Variants in SLCO6A1 observed in about 807,000 individuals in gnomAD.
SLCO6A1 encodes solute carrier organic anion transporter family member 6A1, also known as cancer/testis antigen 48.
A neutral mutation model predicts 72.7 loss-of-function variants in SLCO6A1; 65 were observed. The observed-to-expected ratio is 0.89, with a 90% CI of 0.73 to 1.10. The LOEUF (loss-of-function observed/expected upper bound fraction) is 1.10, where lower values mean the gene tolerates loss of function less well. Among genes scored for constraint, SLCO6A1 ranks in the 50% least tolerant of loss-of-function variants. The pLI is 0.00. For synonymous variants in SLCO6A1, 314 were observed against 298.2 expected (o/e 1.05, Z -0.55); for missense variants, 874 against 872.6 (o/e 1.00, Z -0.02).
intron 6 of SLCO6A1, among the ~76,000 whole-genome samples, chr5:102,442,839 G>A (rs568194233): frequency 7.9e-5 from 12 of 152,248 alleles, no homozygotes; most frequent in African/African-American, 2.6e-4. Flanking sequence ...CGAGGTGGGC[G>A]GCTCATGAGG....
intron 7 of SLCO6A1, among the ~76,000 whole-genome samples, chr5:102,436,723 C>T (rs1365503128): frequency 6.6e-6 from 1 of 152,134 alleles, no homozygotes; most frequent in African/African-American, 2.4e-5. Context: ...TCAGAAACAC[C>T]TGCTGTTGTA....
intron 12 of SLCO6A1, among the ~76,000 whole-genome samples, chr5:102,383,543 C>T (rs1018381111): frequency 6.6e-6 from 1 of 151,602 alleles, no homozygotes; most frequent in Non-Finnish European, 1.5e-5. Context: ...AGGGATAAAT[C>T]CCTCTTGATC....
chr5:102,376,301 C>A (rs554024724), intron 12 of SLCO6A1, among the ~76,000 whole-genome samples: 49 of 152,150 alleles, frequency 3.2e-4, no homozygotes, highest in African/African-American at 1.2e-3. Context: ...GGTGCCTATA[C>A]TAGAGAGAAT....
intron 7 of SLCO6A1, among the ~76,000 whole-genome samples, chr5:102,433,756 A>C (rs1346952987): frequency 1.3e-5 from 2 of 152,130 alleles, no homozygotes; most frequent in Non-Finnish European, 2.9e-5. Flanking sequence ...CAACAGCAGC[A>C]GCGGCAGCAT....
At chr5:102,467,893 G>C (rs1367146188) in intron 4 of SLCO6A1, among the ~76,000 whole-genome samples, 1 of 151,840 alleles carries the variant, frequency 6.6e-6, no homozygotes, top group Non-Finnish European at 1.5e-5. Context: ...GTTCATTCTT[G>C]TTTCTCCAGT....
intron 12 of SLCO6A1, among the ~76,000 whole-genome samples, chr5:102,378,129 C>T (rs1036479115): frequency 6.6e-6 from 1 of 151,556 alleles, no homozygotes; most frequent in African/African-American, 2.4e-5. Context: ...TGCCCTGGCT[C>T]ATAGTGATTT....
chr5:102,411,221 A>G (rs1747959625), intron 9 of SLCO6A1, among the ~76,000 whole-genome samples: 1 of 151,818 alleles, frequency 6.6e-6, no homozygotes, highest in African/African-American at 2.4e-5. Flanking sequence ...TGTAATATAT[A>G]TATATGTGTG....
rs189913425 is a variant in SLCO6A1, at chr5:102,473,255, T to A, written c.899+2442A>T. Among the ~76,000 whole-genome samples the A allele has an allele frequency of 2.1e-3, 317 of 152,098 alleles. 3 individuals carry two copies. The highest frequency in any genetic ancestry group is 7.2e-3 in the African/African-American group (301 of 41,534). ...CACAAGCAAATTGAATGTAACAACA[T>A]ATTAAAGGGAATATACATCATAATC... On this transcript the variant is annotated intron_variant, in intron 4 of 13. Transcript: ENST00000506729.
intron 4 of SLCO6A1, among the ~76,000 whole-genome samples, chr5:102,470,196 C>T (rs1333060026): frequency 6.6e-6 from 1 of 152,138 alleles, no homozygotes; most frequent in Non-Finnish European, 1.5e-5. Context: ...AGAGGATTCC[C>T]TCTTTTTCTA....
At chr5:102,442,758 C>T (rs1749907049) in intron 6 of SLCO6A1, among the ~76,000 whole-genome samples, 1 of 152,144 alleles carries the variant, frequency 6.6e-6, no homozygotes, top group Non-Finnish European at 1.5e-5. Flanking sequence ...AACAATTCAG[C>T]ATTCATAAAG....
At chr5:102,462,714 T>C (rs1751102343) in intron 4 of SLCO6A1, among the ~76,000 whole-genome samples, 1 of 152,144 alleles carries the variant, frequency 6.6e-6, no homozygotes, top group African/African-American at 2.4e-5. Context: ...ATCCTCATTG[T>C]CCATTTATAC....
intron 1 of SLCO6A1, among the ~76,000 whole-genome samples, chr5:102,490,899 G>T (rs904400818): frequency 6.6e-6 from 1 of 152,124 alleles, no homozygotes; most frequent in Non-Finnish European, 1.5e-5. Context: ...AGCTTCCACA[G>T]TGTGGAAGCG....
At chr5:102,445,646 G>C (rs970795415) in intron 6 of SLCO6A1, among the ~76,000 whole-genome samples, 5 of 152,014 alleles carry the variant, frequency 3.3e-5, no homozygotes, top group African/African-American at 1.2e-4. Flanking sequence ...GTCTTTGCCT[G>C]GGCCAACATC....
intron 1 of SLCO6A1, among the ~76,000 whole-genome samples, chr5:102,485,605 T>C (rs1019008056): frequency 1.3e-5 from 2 of 152,250 alleles, no homozygotes; most frequent in African/African-American, 4.8e-5. Flanking sequence ...AGTAACACTT[T>C]GGATGTGTTA....
intron 3 of SLCO6A1, 65 bp downstream of exon 3, chr5:102,477,611 T>C (rs1317558330): frequency 9.5e-6 from 13 of 1,365,500 alleles, no homozygotes; most frequent in South Asian, 1.3e-5. Context: ...TCAGCTTAGA[T>C]ATGCATACCA....
rs1470886777 is a variant in SLCO6A1 at position 102,497,876 on chromosome 5, C to T, written c.358+611G>A. On this transcript the variant is annotated intron_variant, in intron 1 of 13. Transcript: ENST00000506729. The stretch of plus-strand genomic sequence containing the variant: ...AGGTTAGGGGTCATGCAGCCTCTGG[C>T]GCCAAGAGTCTGAACCTCCGCAAAT... 3.9e-5 allele frequency among the ~76,000 whole-genome samples: 6 copies of T among 152,256 alleles called. No homozygotes were observed. In the East Asian group the frequency reaches 1.2e-3, roughly 29 times the overall value.
intron 9 of SLCO6A1, among the ~76,000 whole-genome samples, chr5:102,407,880 G>C (rs1040955254): frequency 6.6e-6 from 1 of 152,152 alleles, no homozygotes; most frequent in African/African-American, 2.4e-5. Flanking sequence ...CCTCCAGAAA[G>C]GAGCACAACT....
At chr5:102,472,549 T>C (rs1362337700) in intron 4 of SLCO6A1, among the ~76,000 whole-genome samples, 1 of 152,090 alleles carries the variant, frequency 6.6e-6, no homozygotes, top group East Asian at 1.9e-4. Flanking sequence ...TTGATGGTAC[T>C]AGTTCCCAAT....
chr5:102,476,187 T>C (rs928915314), intron 3 of SLCO6A1, among the ~76,000 whole-genome samples: 6 of 151,976 alleles, frequency 3.9e-5, no homozygotes, highest in African/African-American at 1.4e-4. Flanking sequence ...ATACCACCTG[T>C]TCCCCCCAAC....
Sources: allele counts gnomAD v4.1 joint callset (sites outside exome capture counted in the v4.1 genomes callset), GRCh38; gene constraint gnomAD v4.1.1; transcripts MANE v1.5; gene names NCBI Gene and HGNC (gene_info 2026-07-23, HGNC 2026-07-21).